NFIC: variants seen among roughly 807,000 people sequenced by gnomAD.
NFIC encodes nuclear factor I C.
A neutral mutation model predicts 54.4 loss-of-function variants in NFIC; 12 were observed. The ratio of observed to expected loss-of-function variants is 0.22; its 90% CI spans 0.14 to 0.36. The LOEUF is 0.36. Ranked by LOEUF, NFIC falls within the 10% of genes least tolerant of loss-of-function variation. NFIC has a pLI of 1.00. For synonymous variants in NFIC, 322 were observed against 319.2 expected, an observed-to-expected ratio of 1.01 and a Z score of -0.09; for missense variants, 575 against 718.2, an observed-to-expected ratio of 0.80 and a Z score of 2.28.
chr19:3,383,673 G>A (rs948950624), intron 2 of NFIC, among the ~76,000 whole-genome samples: 3 of 152,194 alleles, frequency 2.0e-5, no homozygotes, highest in African/African-American at 7.2e-5. Context: ...CGTGTCTGGA[G>A]CACGCGTGAA....
chr19:3,428,191 G>C (rs1192153588), intron 3 of NFIC, among the ~76,000 whole-genome samples: 4 of 147,756 alleles, frequency 2.7e-5, no homozygotes, highest in Admixed American at 6.8e-5. Context: ...AAAAAGAAAA[G>C]AAAAGAAAAA....
intron 6 of NFIC, among the ~76,000 whole-genome samples, chr19:3,447,013 A>G (rs2082382505): frequency 1.3e-5 from 2 of 148,876 alleles, no homozygotes; most frequent in South Asian, 4.3e-4. Flanking sequence ...GTGACAAATA[A>G]CTCGGCTGGG....
chr19:3,436,860 C>T (rs1042319552), intron 6 of NFIC, among the ~76,000 whole-genome samples: 5 of 152,076 alleles, frequency 3.3e-5, no homozygotes, highest in Admixed American at 2.6e-4. Flanking sequence ...AGATCCCAGC[C>T]CTGCCCGTGT....
chr19:3,462,501 G>T (rs547084996), intron 10 of NFIC, among the ~76,000 whole-genome samples: 2 of 152,312 alleles, frequency 1.3e-5, no homozygotes, highest in South Asian at 4.1e-4. Flanking sequence ...AAAGAATTCT[G>T]TGTTAACCAG....
At position 3,464,359 on chromosome 19, in the gene NFIC, C is replaced by G. The variant is rs1303074406; in HGVS notation, c.*1590C>G. The G allele has an allele frequency of 3.6e-5, 35 of 984,994 alleles. No homozygotes were observed. The highest frequency in any genetic ancestry group is 4.2e-5 in the Non-Finnish European group (35 of 829,816). The allele number at this position is 984,994 out of a possible 1,614,324, so 61.0% of individuals were successfully genotyped here. A position where few individuals can be genotyped will look rare whatever the true frequency, so the allele number is the denominator to read the frequency against. On this transcript the variant is annotated 3_prime_UTR_variant, in exon 11 of 11. Coordinates refer to ENST00000443272, the MANE Select transcript of NFIC (RefSeq NM_001245002.2). ...TCTGCTAAGCGTTTTTCCGTTGAGC[C>G]GCTCCAAAAACACTAAGCTGGGGAC...
Position 3,465,212 on chromosome 19 carries a change from TA to T in NFIC, c.*2445del, listed in dbSNP as rs2082701632. On this transcript the variant is annotated 3_prime_UTR_variant, in exon 11 of 11. Coordinates refer to ENST00000443272, the MANE Select transcript of NFIC (RefSeq NM_001245002.2). Reference sequence around the variant, plus strand: ...ACCTTTAAAAAAATTCCATGTTTCCTAATTTGCACGAAATTTTCTACCACAA... The same window carrying T: ...ACCTTTAAAAAAATTCCATGTTTCCTATTTGCACGAAATTTTCTACCACAA... 7.1e-6 allele frequency: 1 copy of T among 140,630 alleles called. No individual in the cohort carries two copies. Among genetic ancestry groups the T allele is most frequent in the Non-Finnish European group, 1.5e-5 (1 of 65,018 alleles). 8.7% of individuals were successfully genotyped at this position (140,630 alleles called of 1,614,324 possible).
intron 3 of NFIC, 146 bp downstream of exon 3, chr19:3,425,323 AC>A: frequency 1.1e-6 from 1 of 947,534 alleles, no homozygotes; most frequent in Non-Finnish European, 1.5e-6. Flanking sequence ...TCCAGGGGCT[AC>A]CAGGGAGCTG....
At chr19:3,411,669 T>A (rs2081763127) in intron 2 of NFIC, among the ~76,000 whole-genome samples, 1 of 152,082 alleles carries the variant, frequency 6.6e-6, no homozygotes, top group African/African-American at 2.4e-5. Context: ...TCCTGAAAAC[T>A]CCTCAGTGAT....
At position 3,366,583 on chromosome 19, in the gene NFIC, A is replaced by T; in HGVS notation, c.-54A>T. ...GGGGGGTGGTTTGGAAAAATGACTC[A>T]GTAAGTTCAGCGCGCCCGCTCCGGC... is the stretch of plus-strand genomic sequence containing the variant. On this transcript the variant is annotated 5_prime_UTR_variant, in exon 1 of 11. Transcript: ENST00000443272. 2 of 1,135,250 alleles carry T rather than the reference A, an allele frequency of 1.8e-6. No homozygotes were observed. The highest frequency in any genetic ancestry group is 1.5e-5 in the South Asian group (1 of 67,278). 70.3% of individuals were successfully genotyped at this position (1,135,250 alleles called of 1,614,324 possible).
intron 10 of NFIC, chr19:3,457,998 C>T (rs967691627): frequency 6.6e-6 from 1 of 152,318 alleles, no homozygotes; most frequent in African/African-American, 2.4e-5. Flanking sequence ...AGGGCTCCAG[C>T]CCAGTGCTGG....
intron 2 of NFIC, among the ~76,000 whole-genome samples, chr19:3,396,796 A>C (rs1284460721): frequency 6.6e-6 from 1 of 151,972 alleles, no homozygotes; most frequent in African/African-American, 2.4e-5. Context: ...TCTCTACTAA[A>C]CCTACAAAAA....
intron 6 of NFIC, among the ~76,000 whole-genome samples, chr19:3,437,027 G>A (rs1170199642): frequency 6.6e-6 from 1 of 152,032 alleles, no homozygotes; most frequent in Non-Finnish European, 1.5e-5. Context: ...TGGCCCATGC[G>A]ACATACCCGG....
chr19:3,418,856 AATAAATAC>A (rs534295667), intron 2 of NFIC, among the ~76,000 whole-genome samples: 3 of 152,292 alleles, frequency 2.0e-5, no homozygotes, highest in Non-Finnish European at 4.4e-5. Context: ...CATCTAAATA[AATAAATAC>A]ATAAATACAT....
At chr19:3,446,879 G>A (rs2082380780) in intron 6 of NFIC, among the ~76,000 whole-genome samples, 1 of 151,056 alleles carries the variant, frequency 6.6e-6, no homozygotes, top group African/African-American at 2.4e-5. Flanking sequence ...AAAAAAAATT[G>A]CCTGGACATG....
intron 10 of NFIC, among the ~76,000 whole-genome samples, chr19:3,460,504 G>T (rs908647318): frequency 1.6e-4 from 24 of 149,762 alleles, no homozygotes; most frequent in Non-Finnish European, 3.6e-4. Context: ...ATTTTTTTTT[G>T]TTTTTTTTTG....
chr19:3,444,270 CGT>C (rs1480646945), intron 6 of NFIC, among the ~76,000 whole-genome samples: 1 of 152,058 alleles, frequency 6.6e-6, no homozygotes, highest in Non-Finnish European at 1.5e-5. Flanking sequence ...GTCAGATGGG[CGT>C]GTGTGTTAAA....
intron 6 of NFIC, among the ~76,000 whole-genome samples, chr19:3,442,777 C>G (rs575708080): frequency 6.6e-6 from 1 of 152,218 alleles, no homozygotes; most frequent in South Asian, 2.1e-4. Flanking sequence ...CCTCCACCCC[C>G]CCTTGGCTCT....
At chr19:3,438,599 G>A (rs997280167) in intron 6 of NFIC, among the ~76,000 whole-genome samples, 7 of 151,958 alleles carry the variant, frequency 4.6e-5, no homozygotes, top group South Asian at 2.1e-4. Flanking sequence ...TACCACGCCC[G>A]GCTAATTTTT....
At chr19:3,376,905 T>G in intron 1 of NFIC, among the ~76,000 whole-genome samples, 1 of 151,780 alleles carries the variant, frequency 6.6e-6, no homozygotes, top group Admixed American at 6.6e-5. Context: ...ATTTTTTGTG[T>G]TTTTAGTAGA....
Sources: gnomAD v4.1 joint callset for allele counts (sites outside exome capture counted in the v4.1 genomes callset) on GRCh38, gnomAD v4.1.1 for gene constraint, MANE v1.5 for transcripts, NCBI Gene and HGNC (gene_info 2026-07-23, HGNC 2026-07-21) for gene names.